Variants in CNTN6 observed in about 807,000 individuals in gnomAD.
The protein encoded by CNTN6 is contactin-6.
CNTN6 carries 137 observed loss-of-function variants against 122.8 expected under a neutral mutation model. The ratio of observed to expected loss-of-function variants is 1.12; its 90% CI spans 0.97 to 1.29. CNTN6 has a LOEUF of 1.29. CNTN6 is among the 50% of genes most tolerant of loss of function. The pLI, the probability that CNTN6 is intolerant of heterozygous loss-of-function variation, is 0.00. For synonymous variants in CNTN6, 570 were observed against 426.0 expected, an observed-to-expected ratio of 1.34 and a Z score of -4.16; for missense variants, 1,634 against 1,223.4, an observed-to-expected ratio of 1.34 and a Z score of -5.01.
chr3:1,127,245 A>C (rs1208313308), intron 1 of CNTN6, among the ~76,000 whole-genome samples: 1 of 151,754 alleles, frequency 6.6e-6, no homozygotes, highest in African/African-American at 2.4e-5. Flanking sequence ...ATAATTACTC[A>C]ATCACCACAG....
At position 1,285,015 on chromosome 3, in the gene CNTN6, A is replaced by G. The variant is rs113109480; in HGVS notation, c.454+6507A>G. ...GAAAATTCACTGGTTTATATTCAGA[A>G]GAGTGACATGCTTTCTCTGACTTTC... On this transcript the variant is annotated intron_variant, in intron 5 of 22. Coordinates refer to ENST00000446702, the MANE Select transcript of CNTN6 (RefSeq NM_001289080.2). Among the ~76,000 whole-genome samples the G allele has an allele frequency of 7.5e-4, 114 of 152,304 alleles. 2 individuals carry two copies. The highest frequency in any genetic ancestry group is 2.6e-3 in the African/African-American group (110 of 41,572).
chr3:1,141,065 T>C (rs1373489126), intron 1 of CNTN6, among the ~76,000 whole-genome samples: 1 of 152,336 alleles, frequency 6.6e-6, no homozygotes, highest in Admixed American at 6.5e-5. Context: ...TAATTTATTA[T>C]TGATTTAGCT....
chr3:1,260,233 C>A (rs1035463818), intron 4 of CNTN6, among the ~76,000 whole-genome samples: 3 of 151,430 alleles, frequency 2.0e-5, no homozygotes, highest in African/African-American at 7.3e-5. Context: ...CACAGAATAT[C>A]AAAAACATTT....
chr3:1,158,306 T>A (rs2093023341), intron 2 of CNTN6, among the ~76,000 whole-genome samples: 1 of 152,268 alleles, frequency 6.6e-6, no homozygotes, highest in African/African-American at 2.4e-5. Flanking sequence ...CTTTTTCATA[T>A]GCCTGTTTGC....
chr3:1,241,561 G>A (rs1018740471), intron 4 of CNTN6, among the ~76,000 whole-genome samples: 21 of 152,128 alleles, frequency 1.4e-4, no homozygotes, highest in African/African-American at 4.1e-4. Context: ...AGAAAAATGG[G>A]TATTAAAGGA....
At chr3:1,205,503 T>C (rs1032357921) in intron 2 of CNTN6, among the ~76,000 whole-genome samples, 1 of 152,202 alleles carries the variant, frequency 6.6e-6, no homozygotes, top group African/African-American at 2.4e-5. Context: ...TTTTATTCAG[T>C]TCCATGCTGT....
intron 9 of CNTN6, among the ~76,000 whole-genome samples, 174 bp downstream of exon 9, chr3:1,326,125 T>C (rs1468729454): frequency 6.6e-6 from 1 of 151,814 alleles, no homozygotes; most frequent in Non-Finnish European, 1.5e-5. Context: ...AAGTAACCCA[T>C]CTTTCAAAAG....
intron 2 of CNTN6, among the ~76,000 whole-genome samples, chr3:1,207,627 C>T (rs1448214990): frequency 6.6e-6 from 1 of 152,036 alleles, no homozygotes; most frequent in African/African-American, 2.4e-5. Flanking sequence ...TCACAACAAT[C>T]TCATATAACT....
Position 1,389,202 on chromosome 3 carries a change from A to G in CNTN6, c.2704+3405A>G, listed in dbSNP as rs530664393. Among the ~76,000 whole-genome samples, 23 of 151,482 alleles carry G rather than the reference A, an allele frequency of 1.5e-4. No individual in the cohort carries two copies. The South Asian group carries it at 2.5e-3, about 17-fold the overall frequency. On this transcript the variant is annotated intron_variant, in intron 20 of 22. Transcript: ENST00000446702. ...CCCTCAAAGGGAAGCCCATCAGACTAACAGCAGATCTCTCGGCAGAATCTC... is the reference window on the plus strand; with the variant it reads ...CCCTCAAAGGGAAGCCCATCAGACTGACAGCAGATCTCTCGGCAGAATCTC...
chr3:1,370,177 GT>G (rs1006357410), intron 12 of CNTN6, among the ~76,000 whole-genome samples: 5 of 151,064 alleles, frequency 3.3e-5, no homozygotes, highest in South Asian at 4.2e-4. Flanking sequence ...AGTTGGCCAA[GT>G]TTTTTTTTAA....
chr3:1,305,535 G>T (rs190170298), intron 7 of CNTN6, among the ~76,000 whole-genome samples: 1 of 152,098 alleles, frequency 6.6e-6, no homozygotes, highest in Non-Finnish European at 1.5e-5. Flanking sequence ...CTATGCAAAT[G>T]TAGTATGATT....
At chr3:1,248,359 G>A (rs748026329) in intron 4 of CNTN6, among the ~76,000 whole-genome samples, 1 of 152,136 alleles carries the variant, frequency 6.6e-6, no homozygotes, top group African/African-American at 2.4e-5. Context: ...TGTGATGTAT[G>A]CTTTAGTTGT....
intron 11 of CNTN6, 96 bp downstream of exon 11, chr3:1,330,031 A>G (rs1265192845): frequency 3.2e-6 from 3 of 938,178 alleles, no homozygotes; most frequent in South Asian, 2.6e-5. Flanking sequence ...TTCCTCTTTT[A>G]TGATAAAGTC....
chr3:1,289,069 G>A (rs1694843079), intron 5 of CNTN6, among the ~76,000 whole-genome samples: 1 of 152,190 alleles, frequency 6.6e-6, no homozygotes, highest in Admixed American at 6.5e-5. Flanking sequence ...GTCATAGATG[G>A]TGGAGAAAAT....
chr3:1,220,573 T>C, intron 2 of CNTN6, 114 bp from the exon 3 acceptor site: 1 of 954,504 alleles, frequency 1.0e-6, no homozygotes, highest in Non-Finnish European at 1.4e-6. Context: ...GAATTTGAGA[T>C]TGTTTTAAAA....
intron 2 of CNTN6, among the ~76,000 whole-genome samples, chr3:1,217,350 G>A (rs993514381): frequency 2.0e-5 from 3 of 152,218 alleles, no homozygotes; most frequent in Non-Finnish European, 2.9e-5. Flanking sequence ...TAGAGTTACA[G>A]ACTGGACTTC....
chr3:1,117,827 C>T (rs1246585980), intron 1 of CNTN6, among the ~76,000 whole-genome samples: 1 of 152,146 alleles, frequency 6.6e-6, no homozygotes, highest in Non-Finnish European at 1.5e-5. Context: ...CCAGGTTCTC[C>T]ATCCCTTTAT....
intron 4 of CNTN6, among the ~76,000 whole-genome samples, chr3:1,260,722 AAT>A (rs1192084919): frequency 2.0e-5 from 3 of 151,914 alleles, no homozygotes; most frequent in African/African-American, 7.3e-5. Flanking sequence ...TTCTCTTGAT[AAT>A]GAGTTCTCAC....
chr3:1,189,268 T>A (rs953802112), intron 2 of CNTN6, among the ~76,000 whole-genome samples: 3 of 152,150 alleles, frequency 2.0e-5, no homozygotes, highest in Non-Finnish European at 4.4e-5. Context: ...TATAAAAATC[T>A]CCTTTTGGGG....
Sources: allele counts gnomAD v4.1 joint callset (sites outside exome capture counted in the v4.1 genomes callset), GRCh38; gene constraint gnomAD v4.1.1; transcripts MANE v1.5; gene names NCBI Gene and HGNC (gene_info 2026-07-23, HGNC 2026-07-21).